CFAP46: variants seen among roughly 807,000 people sequenced by gnomAD.
The protein encoded by CFAP46 is cilia and flagella associated protein 46, also known as cilia- and flagella-associated protein 46.
CFAP46 carries 245 observed loss-of-function variants against 325.7 expected under a neutral mutation model. The ratio of observed to expected loss-of-function variants is 0.75; its 90% CI spans 0.68 to 0.84. The LOEUF is 0.84. Ranked by LOEUF, CFAP46 falls within the 40% of genes least tolerant of loss-of-function variation. The pLI is 0.00. For missense variants in CFAP46, 3,346 were observed against 3,543.0 expected (o/e 0.94, Z 1.41); for synonymous variants, 1,523 against 1,495.9 (o/e 1.02, Z -0.42).
At chr10:132,830,555 C>T (rs777941703) in intron 50 of CFAP46, among the ~76,000 whole-genome samples, 3 of 152,188 alleles carry the variant, frequency 2.0e-5, no homozygotes, top group East Asian at 1.9e-4. Context: ...TTGGGTCTTT[C>T]GAGGAACTTG....
At chr10:132,850,682 A>G (rs761982114) in intron 40 of CFAP46, among the ~76,000 whole-genome samples, 4 of 152,190 alleles carry the variant, frequency 2.6e-5, no homozygotes, top group Non-Finnish European at 5.9e-5. Context: ...ATTTATACTT[A>G]TGTAAATTAA....
At position 132,833,385 on chromosome 10, in the gene CFAP46, A is replaced by G. The variant is rs751282444; in HGVS notation, c.7090T>C (p.Trp2364Arg). The G allele has an allele frequency of 1.2e-6, 2 of 1,614,054 alleles. No individual in the cohort carries two copies. The highest frequency in any genetic ancestry group is 2.2e-5 in the South Asian group (2 of 91,072). Residue 2364 changes from tryptophan (W) to arginine (R), a missense_variant, in exon 50 of 58, where the codon TGG becomes CGG. By Grantham distance (101) the Trp-to-Arg change is moderately radical. Transcript: ENST00000368586. ...VSREFSLQMLWNRLHKEETEG... is the reference protein window; with the variant it reads ...VSREFSLQMLRNRLHKEETEG... The stretch of plus-strand genomic sequence containing the variant: ...GTCTCTTCTTTATGGAGGCGATTCC[A>G]CAGCATTTGAAGAGAAAATTCTCGT...
chr10:132,937,661 C>T lies in CFAP46; in HGVS notation c.551G>A (p.Cys184Tyr). Residue 184 changes from cysteine to tyrosine, a missense_variant, in exon 6 of 58, where the codon TGT becomes TAT. Transcript: ENST00000368586. ...CTCCTTTCTTCCGGCTTGCAGATAA[C>T]ACTCCAGAAGTTCCCTGGATAATAG... ...RAELMLELLECYLQAGRKEEA... is the reference protein window; with the variant it reads ...RAELMLELLEYYLQAGRKEEA... 6.2e-7 allele frequency: 1 copy of T among 1,610,994 alleles called. No homozygotes were observed. Among genetic ancestry groups the T allele is most frequent in the Non-Finnish European group, 8.5e-7 (1 of 1,178,682 alleles).
Position 132,881,097 on chromosome 10 carries a change from G to A in CFAP46, c.3628-65C>T. ...CCCTGAAGGCGTTCCTGACGCAGTG[G>A]AATACTTTTATTGCTCATTTTCTAC... On this transcript the variant is annotated intron_variant, in intron 27 of 57. Transcript: ENST00000368586. 5 of 1,407,454 alleles carry A rather than the reference G, an allele frequency of 3.6e-6. No homozygotes were observed. The East Asian group carries it at 1.0e-4, about 28-fold the overall frequency. 87.2% of individuals were successfully genotyped at this position (1,407,454 alleles called of 1,614,324 possible). A position where few individuals can be genotyped will look rare whatever the true frequency, so the allele number is the denominator to read the frequency against.
At position 132,828,135 on chromosome 10, in the gene CFAP46, C is replaced by T. The variant is rs530892356; in HGVS notation, c.7117+5223G>A. The stretch of plus-strand genomic sequence containing the variant: ...GGTGATGGATCTTTCTGTGGTTTCC[C>T]GGTTTAGGTCATTGCAGATAACGCT... On this transcript the variant is annotated intron_variant, in intron 50 of 57. Transcript: ENST00000368586. This position sits in a 1 kb window ranked among gnomAD's most constrained non-coding sequence, Gnocchi z 4.9. 5.3e-5 allele frequency among the ~76,000 whole-genome samples: 8 copies of T among 152,336 alleles called. No homozygotes were observed. Among genetic ancestry groups the T allele is most frequent in the Admixed American group, 1.3e-4 (2 of 15,300 alleles).
At chr10:132,905,450 C>CT (rs71013581) in intron 22 of CFAP46, among the ~76,000 whole-genome samples, 18,842 of 129,984 alleles carry the variant, frequency 0.14, 1,605 homozygotes, top group Non-Finnish European at 0.2. Context: ...CATATCTTTC[C>CT]TTTTTTTTTT....
Position 132,869,872 on chromosome 10 carries a change from C to T in CFAP46, c.4512-500G>A, listed in dbSNP as rs1344064273. On this transcript the variant is annotated intron_variant, in intron 32 of 57. Coordinates refer to ENST00000368586, the MANE Select transcript of CFAP46 (RefSeq NM_001200049.3). This position sits in a 1 kb window ranked among gnomAD's most constrained non-coding sequence, Gnocchi z 6.2. ...ATATCTGAGCAAGCTGAGGATGCAACTTGCAGCCTTTCTCCCGGATCCTTC... is the reference window on the plus strand; with the variant it reads ...ATATCTGAGCAAGCTGAGGATGCAATTTGCAGCCTTTCTCCCGGATCCTTC... Among the ~76,000 whole-genome samples the T allele has an allele frequency of 6.6e-6, 1 of 152,210 alleles. No homozygotes were observed. Among genetic ancestry groups the T allele is most frequent in the Non-Finnish European group, 1.5e-5 (1 of 68,028 alleles).
In CFAP46 at chr10:132,895,120, G is replaced by A. The variant is rs989106499; in HGVS notation, c.3220-2703C>T. Among the ~76,000 whole-genome samples the A allele has an allele frequency of 7.2e-5, 11 of 152,160 alleles. No homozygotes were observed. In the East Asian group the frequency reaches 1.5e-3, roughly 21 times the overall value. ...AAAGATGACTTATAATGACCAAGTA[G>A]GATTTATGAGAGATGCAATGGTGGC... On this transcript the variant is annotated intron_variant, in intron 24 of 57. Coordinates refer to ENST00000368586, the MANE Select transcript of CFAP46 (RefSeq NM_001200049.3).
intron 27 of CFAP46, among the ~76,000 whole-genome samples, chr10:132,883,779 G>T (rs1720962342): frequency 6.6e-6 from 1 of 152,226 alleles, no homozygotes; most frequent in South Asian, 2.1e-4. Flanking sequence ...GGGAATGATG[G>T]GGATGGCCCT....
At chr10:132,905,498 C>T (rs1165821159) in intron 22 of CFAP46, among the ~76,000 whole-genome samples, 1 of 143,138 alleles carries the variant, frequency 7.0e-6, no homozygotes, top group African/African-American at 2.7e-5. Context: ...TGGATCATAT[C>T]CTCAAGAAAC....
chr10:132,942,035 G>A lies in CFAP46; in HGVS notation c.119C>T (p.Pro40Leu). 1.3e-6 allele frequency: 2 copies of A among 1,551,864 alleles called. No individual in the cohort carries two copies. The highest frequency in any genetic ancestry group is 2.0e-5 in the Admixed American group (1 of 51,012). ...SANLGKSEFDPSESFSPDLFV... is the reference protein window; with the variant it reads ...SANLGKSEFDLSESFSPDLFV... ...CAGGTCTGGGCTGAAGCTCTCTGAG[G>A]GGTCAAACTCCGATTTCCCTAGGTT... The change falls in exon 2 of 58, where the codon CCC becomes CTC. Residue 40 changes from proline (P) to leucine (L), a missense_variant. Coordinates refer to ENST00000368586, the MANE Select transcript of CFAP46 (RefSeq NM_001200049.3).
At chr10:132,812,213 C>A (rs530499774) in intron 55 of CFAP46, among the ~76,000 whole-genome samples, 5 of 152,354 alleles carry the variant, frequency 3.3e-5, no homozygotes, top group Non-Finnish European at 7.4e-5. Context: ...CGTACCCCTA[C>A]GTGTGTGCTG....
At chr10:132,849,084 G>A (rs1016572628) in intron 41 of CFAP46, among the ~76,000 whole-genome samples, 1 of 152,230 alleles carries the variant, frequency 6.6e-6, no homozygotes, top group East Asian at 1.9e-4. Flanking sequence ...CATGGGGCGG[G>A]GGCCGCGGAA....
intron 1 of CFAP46, 146 bp from the exon 2 acceptor site, chr10:132,942,250 G>C: frequency 8.2e-7 from 1 of 1,224,350 alleles, no homozygotes; most frequent in Non-Finnish European, 1.1e-6. Context: ...GGGAGCAGCG[G>C]TGTGGGCGCC....
chr10:132,823,730 A>G (rs1360751988), intron 50 of CFAP46, among the ~76,000 whole-genome samples: 2 of 87,652 alleles, frequency 2.3e-5, no homozygotes, highest in African/African-American at 4.7e-5. Context: ...CTGTGTGCTG[A>G]TGTGTGCTGT....
At chr10:132,920,792 T>A (rs1241623498) in intron 13 of CFAP46, among the ~76,000 whole-genome samples, 1 of 152,186 alleles carries the variant, frequency 6.6e-6, no homozygotes, top group Non-Finnish European at 1.5e-5. Context: ...TCACTGCCCC[T>A]GGGCAGGGCC....
chr10:132,920,114 C>G lies in CFAP46; in HGVS notation c.1675G>C (p.Val559Leu). Residue 559 changes from valine (V) to leucine (L), a missense_variant, in exon 14 of 58, where the codon GTG becomes CTG. By Grantham distance (32) the Val-to-Leu change is conservative. Coordinates refer to ENST00000368586, the MANE Select transcript of CFAP46 (RefSeq NM_001200049.3). Reference sequence around the variant, plus strand: ...CGCAGGTGCCCGGCAGCTTTGTCCACGCTGACGGTGTGGTGCCACGCCTTC... The same window carrying G: ...CGCAGGTGCCCGGCAGCTTTGTCCAGGCTGACGGTGTGGTGCCACGCCTTC... ...CAKAWHHTVS[V>L]DKAAGHLRRL... 1 of 1,549,456 alleles carries G rather than the reference C, an allele frequency of 6.5e-7. No individual in the cohort carries two copies. The highest frequency in any genetic ancestry group is 1.2e-5 in the South Asian group (1 of 83,984).
chr10:132,838,851 C>G (rs959356247), intron 44 of CFAP46, among the ~76,000 whole-genome samples: 1 of 152,268 alleles, frequency 6.6e-6, no homozygotes. Context: ...GCCCAGGGAG[C>G]CTCAGCTGCC....
intron 22 of CFAP46, among the ~76,000 whole-genome samples, chr10:132,907,782 C>A (rs1312668906): frequency 6.6e-6 from 1 of 152,162 alleles, no homozygotes; most frequent in East Asian, 1.9e-4. Context: ...GGGGATGGAG[C>A]CCTCACAAAC....
Sources: gnomAD v4.1 joint callset for allele counts (sites outside exome capture counted in the v4.1 genomes callset) on GRCh38, gnomAD v4.1.1 for gene constraint, Gnocchi (gnomAD v3.1) non-coding constraint, MANE v1.5 for transcripts, NCBI Gene and HGNC (gene_info 2026-07-23, HGNC 2026-07-21) for gene names.